ZNF761: variants seen among roughly 807,000 people sequenced by gnomAD.
The protein encoded by ZNF761 is zinc finger protein 761.
ZNF761 carries 43 observed loss-of-function variants against 59.9 expected under a neutral mutation model. That is an observed-to-expected ratio of 0.72 (90% CI 0.56 to 0.92). The LOEUF is 0.92. Among genes scored for constraint, ZNF761 ranks in the 40% least tolerant of loss-of-function variants. ZNF761 has a pLI of 0.00. For synonymous variants in ZNF761, 294 were observed against 304.8 expected (o/e 0.96, Z 0.37); for missense variants, 850 against 906.1 (o/e 0.94, Z 0.79).
chr19:53,455,073 C>G lies in ZNF761; in HGVS notation c.566C>G (p.Ser189Cys), dbSNP rs770678623. The stretch of plus-strand genomic sequence containing the variant: ...TCTTGTAGGCCCAAAACCCATATAT[C>G]TAATAACCATGGGAATAATTTCTGG... ...RISCRPKTHI[S>C]NNHGNNFWNS... The change falls in exon 5 of 5, where the codon TCT becomes TGT. Residue 189 changes from serine to cysteine, a missense_variant. Physicochemically the swap from Ser to Cys is moderately radical, Grantham distance 112. Coordinates refer to ENST00000684525, the MANE Select transcript of ZNF761 (RefSeq NM_001289951.2). The G allele has an allele frequency of 2.5e-6, 4 of 1,613,998 alleles. No individual in the cohort carries two copies. In the East Asian group the frequency reaches 6.7e-5, roughly 27 times the overall value.
chr19:53,432,840 G>A (rs539643619), intron 1 of ZNF761, among the ~76,000 whole-genome samples: 4 of 151,982 alleles, frequency 2.6e-5, no homozygotes, highest in Non-Finnish European at 5.9e-5. Flanking sequence ...CAGAAATGTA[G>A]AGAAAAGCTG....
In ZNF761 at chr19:53,456,275, A is replaced by C. The variant is rs748276329; in HGVS notation, c.1768A>C (p.Lys590Gln). 4.3e-6 allele frequency: 7 copies of C among 1,614,040 alleles called. No homozygotes were observed. In the Admixed American group the frequency reaches 5.0e-5, roughly 12 times the overall value. Reference protein sequence around the residue: ...CEDSDKAYSFKSNLEIHQKIH... With the variant: ...CEDSDKAYSFQSNLEIHQKIH... ...AGATAGTGACAAAGCTTACAGTTTC[A>C]AATCAAACCTTGAAATACATCAGAA... Residue 590 changes from lysine to glutamine, a missense_variant, in exon 5 of 5, where the codon AAA becomes CAA. Physicochemically the swap from Lys to Gln is moderately conservative, Grantham distance 53. Transcript: ENST00000684525.
At chr19:53,434,442 A>T (rs773111776) in intron 1 of ZNF761, among the ~76,000 whole-genome samples, 1 of 152,164 alleles carries the variant, frequency 6.6e-6, no homozygotes, top group African/African-American at 2.4e-5. Context: ...CACAGATCCA[A>T]TAGAGACCAG....
Position 53,456,821 on chromosome 19 carries a change from T to C in ZNF761, c.*73T>C. On this transcript the variant is annotated 3_prime_UTR_variant, in exon 5 of 5. Transcript: ENST00000684525. ...ATAGAATTCATACTGGGGAGAAACC[T>C]TAGAAATGTGAAGCATGTGATAAAG... 6.6e-7 allele frequency: 1 copy of C among 1,510,844 alleles called. No homozygotes were observed. Among genetic ancestry groups the C allele is most frequent in the South Asian group, 1.2e-5 (1 of 84,618 alleles). The allele number at this position is 1,510,844 out of a possible 1,614,324, so 93.6% of individuals were successfully genotyped here.
At chr19:53,442,684 C>G in intron 1 of ZNF761, 1 of 393,076 alleles carries the variant, frequency 2.5e-6, no homozygotes, top group East Asian at 3.3e-5. Context: ...CCGAAGCTGA[C>G]CTTTACCTGA....
chr19:53,456,694 G>C lies in ZNF761; in HGVS notation c.2187G>C (p.Gln729His), dbSNP rs1421540442. The part of the protein sequence containing the change: ...KCNECGKTFS[Q>H]KSNLTCHRRL... ...ATGAGTGTGGCAAGACCTTTAGTCAGAAGTCAAACCTTACATGCCATCGTA... is the reference window on the plus strand; with the variant it reads ...ATGAGTGTGGCAAGACCTTTAGTCACAAGTCAAACCTTACATGCCATCGTA... The change falls in exon 5 of 5, where the codon CAG becomes CAC. Residue 729 changes from glutamine to histidine, a missense_variant. Physicochemically the swap from Gln to His is conservative, Grantham distance 24. Transcript: ENST00000684525. 6.8e-6 allele frequency: 11 copies of C among 1,613,788 alleles called. No homozygotes were observed. Among genetic ancestry groups the C allele is most frequent in the East Asian group, 2.2e-5 (1 of 44,884 alleles).
intron 1 of ZNF761, 122 bp downstream of exon 1, chr19:53,432,150 T>C (rs1272254709): frequency 6.6e-6 from 1 of 152,294 alleles, no homozygotes; most frequent in East Asian, 1.9e-4. Context: ...TCAGAGCAAA[T>C]TGAGACGACC....
intron 1 of ZNF761, chr19:53,441,975 A>C: frequency 7.2e-7 from 1 of 1,386,738 alleles, no homozygotes. Context: ...GCTGAGGGAA[A>C]AAGGTGGGCC....
Position 53,455,305 on chromosome 19 carries a change from T to C in ZNF761, c.798T>C (p.Gly266=). 1 of 1,614,124 alleles carries C rather than the reference T, an allele frequency of 6.2e-7. No individual in the cohort carries two copies. The change falls in exon 5 of 5, where the codon GGT becomes GGC. Residue 266 remains glycine, a synonymous_variant. Transcript: ENST00000684525. Reference sequence around the variant, plus strand: ...CATGCCATCGTAGATGTCACACTGGTGAGAATCCTTACAAGTGTAATGAGT... The same window carrying C: ...CATGCCATCGTAGATGTCACACTGGCGAGAATCCTTACAAGTGTAATGAGT... The part of the protein sequence containing the change: ...NLACHRRCHT[G]ENPYKCNECG...
intron 4 of ZNF761, among the ~76,000 whole-genome samples, chr19:53,451,235 A>G (rs1332244521): frequency 6.6e-6 from 1 of 152,096 alleles, no homozygotes; most frequent in African/African-American, 2.4e-5. Context: ...GATGAGATGA[A>G]GTTTTGTTCT....
intron 1 of ZNF761, among the ~76,000 whole-genome samples, chr19:53,435,749 G>C (rs3975041): frequency 1.3e-5 from 2 of 151,530 alleles, no homozygotes; most frequent in South Asian, 4.2e-4. Flanking sequence ...ATGGTTAAGG[G>C]GGGTGACAAC....
At chr19:53,432,800 G>A (rs944617595) in intron 1 of ZNF761, among the ~76,000 whole-genome samples, 1 of 151,948 alleles carries the variant, frequency 6.6e-6, no homozygotes, top group Non-Finnish European at 1.5e-5. Context: ...AAAAGAAAAC[G>A]ATAAGAAAGC....
intron 1 of ZNF761, chr19:53,444,197 A>G (rs1428788409): frequency 6.6e-6 from 1 of 152,254 alleles, no homozygotes; most frequent in Admixed American, 6.5e-5. Flanking sequence ...ACACCCGTAA[A>G]GAGTCTGTGC....
chr19:53,455,861 T>C lies in ZNF761; in HGVS notation c.1354T>C (p.Ser452Pro). ...ECGKTFSRTS[S>P]LTCHRRRHTG... ...TGGAAAGACCTTTAGCCGGACATCATCCCTTACATGCCATCGTAGACGTCA... is the reference window on the plus strand; with the variant it reads ...TGGAAAGACCTTTAGCCGGACATCACCCCTTACATGCCATCGTAGACGTCA... Residue 452 changes from serine (S) to proline (P), a missense_variant, in exon 5 of 5, where the codon TCC (serine) becomes CCC (proline). By Grantham distance (74) the Ser-to-Pro change is moderately conservative. Transcript: ENST00000684525. 1 of 1,613,746 alleles carries C rather than the reference T, an allele frequency of 6.2e-7. No individual in the cohort carries two copies. The highest frequency in any genetic ancestry group is 8.5e-7 in the Non-Finnish European group (1 of 1,179,910).
chr19:53,436,864 G>C (rs2086047747), intron 1 of ZNF761, among the ~76,000 whole-genome samples: 1 of 152,168 alleles, frequency 6.6e-6, no homozygotes, highest in Non-Finnish European at 1.5e-5. Context: ...CTGGCACGGG[G>C]CAGTTCGCTA....
rs781093345 is a variant in ZNF761, at chr19:53,454,660, C to G, written c.153C>G (p.Ser51=). The part of the protein sequence containing the change: ...YRNLVSLDIS[S]KCTMKEFLST... ...GTTTATGTTTTGTAGATATCTCTTC[C>G]AAATGCACGATGAAGGAGTTCTTGT... The change falls in exon 5 of 5, where the codon TCC becomes TCG. Residue 51 remains serine (S), a synonymous_variant. Transcript: ENST00000684525. 8.2e-6 allele frequency: 13 copies of G among 1,593,168 alleles called. No homozygotes were observed. The highest frequency in any genetic ancestry group is 1.0e-5 in the Non-Finnish European group (12 of 1,169,130).
intron 1 of ZNF761, among the ~76,000 whole-genome samples, chr19:53,438,925 G>T (rs1411754159): frequency 6.6e-6 from 1 of 152,198 alleles, no homozygotes; most frequent in African/African-American, 2.4e-5. Context: ...ACAAGGCACA[G>T]TTGTTACTTG....
intron 1 of ZNF761, among the ~76,000 whole-genome samples, chr19:53,439,264 C>CT (rs1180976053): frequency 9.2e-6 from 1 of 109,002 alleles, no homozygotes; most frequent in Non-Finnish European, 2.0e-5. Flanking sequence ...GAACAAGACT[C>CT]TGACTCAAAA....
intron 4 of ZNF761, among the ~76,000 whole-genome samples, chr19:53,454,255 T>C (rs2147142304): frequency 1.3e-5 from 2 of 152,354 alleles, no homozygotes; most frequent in East Asian, 1.9e-4. Flanking sequence ...ATATAGTATA[T>C]CGTGTGGTCC....
Sources: gnomAD v4.1 joint callset for allele counts (sites outside exome capture counted in the v4.1 genomes callset) on GRCh38, gnomAD v4.1.1 for gene constraint, MANE v1.5 for transcripts, NCBI Gene and HGNC (gene_info 2026-07-23, HGNC 2026-07-21) for gene names.